Variants in HECTD3 observed in about 807,000 individuals in gnomAD.
HECTD3 encodes E3 ubiquitin-protein ligase HECTD3.
A neutral mutation model predicts 109.3 loss-of-function variants in HECTD3; 72 were observed. The ratio of observed to expected loss-of-function variants is 0.66; its 90% CI spans 0.54 to 0.80. HECTD3 has a LOEUF of 0.80. Among genes scored for constraint, HECTD3 ranks in the 30% least tolerant of loss-of-function variants. The pLI, the probability that HECTD3 is intolerant of heterozygous loss-of-function variation, is 0.00. For synonymous variants in HECTD3, 481 were observed against 471.8 expected (o/e 1.02, Z -0.25); for missense variants, 1,041 against 1,165.2 (o/e 0.89, Z 1.55).
Position 45,006,627 on chromosome 1 carries a change from C to G in HECTD3, c.1725+65G>C. 2.1e-6 allele frequency: 3 copies of G among 1,395,932 alleles called. No homozygotes were observed. In the Admixed American group the frequency reaches 5.5e-5, roughly 26 times the overall value. 86.5% of individuals were successfully genotyped at this position (1,395,932 alleles called of 1,614,324 possible). ...CCTTTCTAGCTCAATCTGGCCCCCT[C>G]CTCTGCCCCCTTTCTAGCTCAATCT... On this transcript the variant is annotated intron_variant, in intron 13 of 20. Transcript: ENST00000372172. This position sits in a 1 kb window ranked among gnomAD's most constrained non-coding sequence, Gnocchi z 4.7.
At chr1:45,009,547 T>C in intron 5 of HECTD3, 21 bp downstream of exon 5, 1 of 1,609,784 alleles carries the variant, frequency 6.2e-7, no homozygotes, top group South Asian at 1.1e-5. Flanking sequence ...ACCCACCCTG[T>C]CCTGCCCAGA....
At chr1:45,010,752 G>A (rs1362443206) in intron 1 of HECTD3, 46 bp from the exon 2 acceptor site, 2 of 1,519,836 alleles carry the variant, frequency 1.3e-6, no homozygotes, top group African/African-American at 2.7e-5. Context: ...GAACTGCCCA[G>A]CCGCCTGTCG....
chr1:45,008,645 C>G lies in HECTD3; in HGVS notation c.1129G>C (p.Glu377Gln). The change falls in exon 8 of 21, where the codon GAA becomes CAA. Residue 377 changes from glutamate to glutamine, a missense_variant. By Grantham distance (29) the Glu-to-Gln change is conservative (BLOSUM62 2). Transcript: ENST00000372172. ...AACAGGTCTGCATTCAACCCTAGTT[C>G]CCGCTGTCTAGATGACTTGATCTTG... ...GVKIKSSRQR[E>Q]LGLNADLFQP... 1 of 1,613,976 alleles carries G rather than the reference C, an allele frequency of 6.2e-7. No homozygotes were observed. Among genetic ancestry groups the G allele is most frequent in the Non-Finnish European group, 8.5e-7 (1 of 1,179,992 alleles).
intron 15 of HECTD3, 179 bp from the exon 16 acceptor site, chr1:45,004,985 C>T: frequency 1.7e-5 from 11 of 635,270 alleles, no homozygotes; most frequent in Non-Finnish European, 3.1e-5. Context: ...CCTAACCAGC[C>T]TTGGAGGCCA....
rs964114179 is a variant in HECTD3 at position 45,003,881 on chromosome 1, C to T, written c.2403G>A (p.Arg801=). The T allele has an allele frequency of 8.7e-6, 14 of 1,613,344 alleles. No homozygotes were observed. Among genetic ancestry groups the T allele is most frequent in the Non-Finnish European group, 1.1e-5 (13 of 1,179,704 alleles). ...FVTGRSRLPA[R]IYIYPDKLGY... ...CCAGCTTGTCTGGGTAGATGTAGAT[C>T]CGTGCTGGCAGGCGACTGCGGCCCG... The change falls in exon 19 of 21, where the codon CGG becomes CGA. Residue 801 remains arginine, a synonymous_variant. Coordinates refer to ENST00000372172, the MANE Select transcript of HECTD3 (RefSeq NM_024602.6). The surrounding 1 kb of genome is among the most constrained non-coding windows in gnomAD (Gnocchi z 4.7).
chr1:45,008,887 C>A (rs1644758962), intron 7 of HECTD3, among the ~76,000 whole-genome samples, 186 bp from the exon 8 acceptor site: 1 of 152,132 alleles, frequency 6.6e-6, no homozygotes, highest in Non-Finnish European at 1.5e-5. Flanking sequence ...CTCTGTCTTC[C>A]ACTAGAATGC....
rs1569932557 is a variant in HECTD3 at position 45,003,679 on chromosome 1, G to A, written c.2491C>T (p.His831Tyr). ...STCSSTLFLP[H>Y]YASAKVCEEK... ...TAGGAAAAAACCCACCTGGCATAGTGTGGCAGGAAGAGGGTGCTGGAGCAA... is the reference window on the plus strand; with the variant it reads ...TAGGAAAAAACCCACCTGGCATAGTATGGCAGGAAGAGGGTGCTGGAGCAA... Residue 831 changes from histidine to tyrosine, a missense_variant, in exon 20 of 21, where the codon CAC (histidine) becomes TAC (tyrosine). His to Tyr is a moderately conservative substitution (Grantham distance 83). This residue lies in a region of HECTD3 where 569 missense variants were observed against 715.3 expected (regional missense o/e 0.80). Transcript: ENST00000372172. The surrounding 1 kb of genome is among the most constrained non-coding windows in gnomAD (Gnocchi z 4.7). The A allele has an allele frequency of 6.2e-7, 1 of 1,614,158 alleles. No individual in the cohort carries two copies. The highest frequency in any genetic ancestry group is 1.1e-5 in the South Asian group (1 of 91,088).
In HECTD3 at chr1:45,009,973, C is replaced by A; in HGVS notation, c.759+13G>T. ...TATATCTTGCCTGGGGTGGGAGGAGCCCCAGCACCCACCGTGTAGGAGGAA... is the reference window on the plus strand; with the variant it reads ...TATATCTTGCCTGGGGTGGGAGGAGACCCAGCACCCACCGTGTAGGAGGAA... On this transcript the variant is annotated intron_variant, in intron 4 of 20. Coordinates refer to ENST00000372172, the MANE Select transcript of HECTD3 (RefSeq NM_024602.6). 6.6e-7 allele frequency: 1 copy of A among 1,523,660 alleles called. No individual in the cohort carries two copies. Among genetic ancestry groups the A allele is most frequent in the Non-Finnish European group, 8.8e-7 (1 of 1,134,370 alleles). 94.4% of individuals were successfully genotyped at this position (1,523,660 alleles called of 1,614,324 possible).
In HECTD3 at chr1:45,007,253, G is replaced by A. The variant is rs1373604845; in HGVS notation, c.1522C>T (p.Pro508Ser). Residue 508 changes from proline to serine, a missense_variant, in exon 11 of 21, where the codon CCC (proline) becomes TCC (serine). Around this residue, in one of 2 missense-constraint regions of HECTD3, gnomAD observed 569 missense variants for 715.3 expected, o/e 0.80. Transcript: ENST00000372172. ...VFTQVYEGLK[P>S]SDKYEKPLDY... ...AGGGGCTTTTCATATTTGTCAGAGG[G>A]CTTGAGGCCTTCATATACCTGGAGG... is the stretch of plus-strand genomic sequence containing the variant. 1.2e-6 allele frequency: 2 copies of A among 1,613,532 alleles called. No homozygotes were observed. The highest frequency in any genetic ancestry group is 1.7e-6 in the Non-Finnish European group (2 of 1,179,710).
Position 45,007,435 on chromosome 1 carries a change from C to T in HECTD3, c.1481G>A (p.Cys494Tyr). Reference protein sequence around the residue: ...HRACPSRDPACKNAVFTQVYE... With the variant: ...HRACPSRDPAYKNAVFTQVYE... ...GACCTGGGTGAAGACTGCATTCTTG[C>T]AGGCAGGGTCTCGAGAGGGGCAGGC... The change falls in exon 10 of 21, where the codon TGC (cysteine) becomes TAC (tyrosine). Residue 494 changes from cysteine (C) to tyrosine (Y), a missense_variant. This residue lies in a region of HECTD3 where 569 missense variants were observed against 715.3 expected (regional missense o/e 0.80). Transcript: ENST00000372172. 1 of 1,614,118 alleles carries T rather than the reference C, an allele frequency of 6.2e-7. No individual in the cohort carries two copies.
At chr1:45,008,132 A>G in intron 9 of HECTD3, 108 bp downstream of exon 9, 1 of 827,698 alleles carries the variant, frequency 1.2e-6, no homozygotes, top group Non-Finnish European at 1.9e-6. Context: ...TCCCAGACCC[A>G]GCAAAGGTCT....
intron 17 of HECTD3, 32 bp downstream of exon 17, chr1:45,004,216 T>TGCCCG (rs1459540932): frequency 6.2e-7 from 1 of 1,613,622 alleles, no homozygotes; most frequent in South Asian, 1.1e-5. Context: ...TGTGCTGTGC[T>TGCCCG]GCCCTGCCCT....
Position 45,006,508 on chromosome 1 carries a change from T to C in HECTD3, c.1725+184A>G, listed in dbSNP as rs116356408. 9.9e-3 allele frequency among the ~76,000 whole-genome samples: 1,503 copies of C among 152,226 alleles called. 27 individuals carry two copies. The highest frequency in any genetic ancestry group is 0.034 in the African/African-American group (1,431 of 41,524). On this transcript the variant is annotated intron_variant, in intron 13 of 20. Transcript: ENST00000372172. The surrounding 1 kb of genome is among the most constrained non-coding windows in gnomAD (Gnocchi z 4.7). Reference sequence around the variant, plus strand: ...TTATAGAGATGGGGCTTCACTTCATTGGCCAGGCTGGTCTTGAACTCCTGA... The same window carrying C: ...TTATAGAGATGGGGCTTCACTTCATCGGCCAGGCTGGTCTTGAACTCCTGA...
chr1:45,010,241 G>A lies in HECTD3; in HGVS notation c.583C>T (p.Gln195Ter). The part of the protein sequence containing the change: ...TYSHRLGSRP[Q>*]PAEAYAEAVQ... The stretch of plus-strand genomic sequence containing the variant: ...GCTTCTGCGTATGCCTCTGCCGGCT[G>A]AGGTCTCGATCCCAGGCGATGTGAG... The change falls in exon 3 of 21, where the codon CAG (glutamine) becomes TAG (stop). Residue 195 changes from glutamine to a stop codon, truncating the protein, a stop_gained. Coordinates refer to ENST00000372172, the MANE Select transcript of HECTD3 (RefSeq NM_024602.6). LOFTEE classifies it high-confidence loss of function. 1 of 1,614,002 alleles carries A rather than the reference G, an allele frequency of 6.2e-7. No homozygotes were observed. The highest frequency in any genetic ancestry group is 8.5e-7 in the Non-Finnish European group (1 of 1,180,000).
chr1:45,009,499 T>C lies in HECTD3; in HGVS notation c.876-17A>G. ...AGCAGCTTCCTGAAGGGTCAGAGTG[T>C]GAATATGAGTCTTTGTGAACCCACA... On this transcript the variant is annotated splice_polypyrimidine_tract_variant and intron_variant, in intron 5 of 20. Transcript: ENST00000372172. 1.2e-6 allele frequency: 2 copies of C among 1,609,226 alleles called. No individual in the cohort carries two copies. The highest frequency in any genetic ancestry group is 1.7e-6 in the Non-Finnish European group (2 of 1,175,732).
rs375608336 is a variant in HECTD3 at position 45,007,437 on chromosome 1, G to A, written c.1479C>T (p.Ala493=). The change falls in exon 10 of 21, where the codon GCC becomes GCT. Residue 493 remains alanine (A), a synonymous_variant. Coordinates refer to ENST00000372172, the MANE Select transcript of HECTD3 (RefSeq NM_024602.6). The part of the protein sequence containing the change: ...EHRACPSRDP[A]CKNAVFTQVY... ...CCTGGGTGAAGACTGCATTCTTGCA[G>A]GCAGGGTCTCGAGAGGGGCAGGCAC... 68 of 1,614,060 alleles carry A rather than the reference G, an allele frequency of 4.2e-5. No individual in the cohort carries two copies. Among genetic ancestry groups the A allele is most frequent in the Admixed American group, 8.3e-5 (5 of 60,008 alleles).
intron 11 of HECTD3, 59 bp downstream of exon 11, chr1:45,007,153 TGTGTTTG>T: frequency 1.4e-6 from 2 of 1,416,710 alleles, no homozygotes; most frequent in Non-Finnish European, 2.0e-6. Flanking sequence ...TGTGTGTGTG[TGTGTTTG>T]TGTGTGTTTG....
rs1350456429 is a variant in HECTD3 at position 45,011,138 on chromosome 1, C to A, written c.120G>T (p.Leu40=). 5 of 1,510,206 alleles carry A rather than the reference C, an allele frequency of 3.3e-6. No individual in the cohort carries two copies. The highest frequency in any genetic ancestry group is 4.4e-6 in the Non-Finnish European group (5 of 1,137,848). 93.6% of individuals were successfully genotyped at this position (1,510,206 alleles called of 1,614,324 possible). Residue 40 remains leucine (L), a synonymous_variant, in exon 1 of 21, where the codon CTG becomes CTT. Coordinates refer to ENST00000372172, the MANE Select transcript of HECTD3 (RefSeq NM_024602.6). ...LRAGRPLPAA[L]AFVPREVLYK... ...AGAGCACCTCTCGCGGCACGAAAGC[C>A]AGCGCTGCTGGCAGCGGCCGCCCGG...
chr1:45,009,950 T>A (rs774646122), intron 4 of HECTD3, 36 bp downstream of exon 4: 1 of 1,517,800 alleles, frequency 6.6e-7, no homozygotes, highest in East Asian at 2.3e-5. Flanking sequence ...GGTGTGACTA[T>A]ATCTTGCCTG....
Sources: allele counts gnomAD v4.1 joint callset (sites outside exome capture counted in the v4.1 genomes callset), GRCh38; gene constraint gnomAD v4.1.1; regional missense constraint gnomAD v4.1.1; non-coding constraint Gnocchi (gnomAD v3.1); transcripts MANE v1.5; gene names NCBI Gene and HGNC (gene_info 2026-07-23, HGNC 2026-07-21).